Variants in TMTC2 observed in about 807,000 individuals in gnomAD.
The protein encoded by TMTC2 is transmembrane O-mannosyltransferase targeting cadherins 2.
TMTC2 carries 43 observed loss-of-function variants against 82.4 expected under a neutral mutation model. That is an observed-to-expected ratio of 0.52 (90% CI 0.41 to 0.67). TMTC2 has a LOEUF of 0.67. Ranked by LOEUF, TMTC2 falls within the 30% of genes least tolerant of loss-of-function variation. The pLI is 0.00. For synonymous variants in TMTC2, 408 were observed against 381.9 expected (o/e 1.07, Z -0.80); for missense variants, 919 against 1,012.4 (o/e 0.91, Z 1.25).
intron 1 of TMTC2, among the ~76,000 whole-genome samples, chr12:82,771,626 T>C (rs146624642): frequency 0.012 from 1,813 of 152,310 alleles, 20 homozygotes; most frequent in Non-Finnish European, 0.018. Context: ...TGCAATGCTT[T>C]TAAATTTGAT....
chr12:82,870,291 C>G (rs1208951031), intron 2 of TMTC2, among the ~76,000 whole-genome samples: 1 of 152,120 alleles, frequency 6.6e-6, no homozygotes, highest in African/African-American at 2.4e-5. Context: ...TTTTGTCATC[C>G]TAGTGCTCCA....
At chr12:82,996,985 A>C (rs143887730) in intron 8 of TMTC2, among the ~76,000 whole-genome samples, 16 of 152,078 alleles carry the variant, frequency 1.1e-4, no homozygotes, top group African/African-American at 3.6e-4. Context: ...AGCAGAAGTA[A>C]AGGATTAAGT....
At chr12:82,806,011 G>A (rs1879225770) in intron 1 of TMTC2, among the ~76,000 whole-genome samples, 1 of 152,070 alleles carries the variant, frequency 6.6e-6, no homozygotes, top group East Asian at 1.9e-4. Flanking sequence ...GGCATATGCA[G>A]TTTAGTAGGG....
chr12:82,784,913 G>C (rs954552835), intron 1 of TMTC2, among the ~76,000 whole-genome samples: 4 of 151,894 alleles, frequency 2.6e-5, no homozygotes, highest in African/African-American at 7.2e-5. Flanking sequence ...TGTTTGTTTG[G>C]TTTTGGTTCC....
At chr12:82,729,018 C>T (rs1455151694) in intron 1 of TMTC2, among the ~76,000 whole-genome samples, 1 of 152,240 alleles carries the variant, frequency 6.6e-6, no homozygotes, top group Non-Finnish European at 1.5e-5. Context: ...CACCCTGCGG[C>T]CTCCTGCGTG....
At chr12:83,045,820 G>A (rs1258864498) in intron 9 of TMTC2, among the ~76,000 whole-genome samples, 1 of 151,046 alleles carries the variant, frequency 6.6e-6, no homozygotes, top group African/African-American at 2.4e-5. Flanking sequence ...AGTAATAATT[G>A]TTCACAGGTG....
intron 1 of TMTC2, among the ~76,000 whole-genome samples, chr12:82,766,412 G>A (rs1298991930): frequency 6.6e-6 from 1 of 152,112 alleles, no homozygotes. Flanking sequence ...TTGACTAAGG[G>A]TCTCCCCTGA....
chr12:82,933,970 T>C (rs1165696474), intron 4 of TMTC2, among the ~76,000 whole-genome samples: 1 of 152,234 alleles, frequency 6.6e-6, no homozygotes, highest in Non-Finnish European at 1.5e-5. Context: ...CAAAGAGTTA[T>C]ATTCCATGTT....
intron 1 of TMTC2, among the ~76,000 whole-genome samples, chr12:82,798,374 G>C (rs1878827207): frequency 6.7e-6 from 1 of 149,886 alleles, no homozygotes; most frequent in Non-Finnish European, 1.5e-5. Flanking sequence ...GCGGGCGCCT[G>C]TAGTCCCAGC....
intron 1 of TMTC2, among the ~76,000 whole-genome samples, chr12:82,778,848 CAAAAAAAAAAAAAAAAAA>C (rs56354957): frequency 8.5e-5 from 2 of 23,444 alleles, no homozygotes; most frequent in African/African-American, 4.0e-4. Context: ...GACTCCGTCT[CAAAAAAAAAAAAAAAAAA>C]AAAAAAAAAA....
intron 8 of TMTC2, among the ~76,000 whole-genome samples, chr12:83,006,045 C>A (rs958596313): frequency 6.6e-6 from 1 of 152,186 alleles, no homozygotes; most frequent in Admixed American, 6.5e-5. Context: ...GGCAGTCCCC[C>A]CTACCAGCTC....
At chr12:82,829,946 A>T (rs1480240917) in intron 1 of TMTC2, among the ~76,000 whole-genome samples, 2 of 152,168 alleles carry the variant, frequency 1.3e-5, no homozygotes, top group African/African-American at 4.8e-5. Context: ...TGGAGGTTTG[A>T]TATTATGGGA....
At chr12:83,058,513 T>C (rs1471574801) in intron 10 of TMTC2, among the ~76,000 whole-genome samples, 1 of 151,484 alleles carries the variant, frequency 6.6e-6, no homozygotes, top group African/African-American at 2.4e-5. Context: ...TAGGTAGGAG[T>C]TGGTAATGAG....
chr12:82,892,053 A>G (rs1162191598), intron 2 of TMTC2, among the ~76,000 whole-genome samples: 1 of 152,148 alleles, frequency 6.6e-6, no homozygotes, highest in African/African-American at 2.4e-5. Context: ...GTGAGAGAGC[A>G]AGACCCTGTC....
intron 8 of TMTC2, among the ~76,000 whole-genome samples, chr12:83,010,915 A>C (rs1431504512): frequency 2.0e-5 from 3 of 151,974 alleles, no homozygotes; most frequent in African/African-American, 7.3e-5. Flanking sequence ...GCTCACTGCA[A>C]CCTCCACCTC....
At chr12:82,751,242 G>A (rs1005377127) in intron 1 of TMTC2, among the ~76,000 whole-genome samples, 4 of 152,088 alleles carry the variant, frequency 2.6e-5, no homozygotes, top group East Asian at 1.9e-4. Context: ...TTGTAGGGAC[G>A]TGGATGAAAT....
At chr12:82,904,973 T>G (rs925316122) in intron 3 of TMTC2, among the ~76,000 whole-genome samples, 3 of 149,490 alleles carry the variant, frequency 2.0e-5, no homozygotes, top group Non-Finnish European at 4.4e-5. Context: ...TTCTTCAAGT[T>G]TTTTGTTTCT....
chr12:82,962,797 A>G (rs938047275), intron 4 of TMTC2, among the ~76,000 whole-genome samples: 1 of 152,008 alleles, frequency 6.6e-6, no homozygotes, highest in Non-Finnish European at 1.5e-5. Flanking sequence ...CAGAGACTGT[A>G]GTTATCCACA....
intron 4 of TMTC2, among the ~76,000 whole-genome samples, chr12:82,951,643 G>A (rs987454059): frequency 3.3e-5 from 5 of 151,916 alleles, no homozygotes; most frequent in African/African-American, 1.2e-4. Flanking sequence ...TTTAAAGAAG[G>A]GTACATCTTT....
Sources: gnomAD v4.1 joint callset for allele counts (sites outside exome capture counted in the v4.1 genomes callset) on GRCh38, gnomAD v4.1.1 for gene constraint, MANE v1.5 for transcripts, NCBI Gene and HGNC (gene_info 2026-07-23, HGNC 2026-07-21) for gene names.